PRUNE2: variants seen among roughly 807,000 people sequenced by gnomAD.
PRUNE2 encodes prune homolog 2 with BCH domain.
Under a neutral mutation model 252.0 loss-of-function variants are expected in PRUNE2, and 164 were observed. That is an observed-to-expected ratio of 0.65 (90% confidence interval 0.57 to 0.74). The LOEUF (loss-of-function observed/expected upper bound fraction) is 0.74, where lower values mean the gene tolerates loss of function less well. PRUNE2 is among the 30% of genes least tolerant of loss of function. The pLI, the probability that PRUNE2 is intolerant of heterozygous loss-of-function variation, is 0.00. For missense variants in PRUNE2, 3,495 were observed against 3,711.0 expected (o/e 0.94, Z 1.51); for synonymous variants, 1,292 against 1,350.2 (o/e 0.96, Z 0.94).
intron 9 of PRUNE2, among the ~76,000 whole-genome samples, chr9:76,683,392 A>T (rs1030274318): frequency 6.6e-6 from 1 of 152,208 alleles, no homozygotes; most frequent in South Asian, 2.1e-4. Flanking sequence ...AAAATGGGTA[A>T]ACATTGACTG....
chr9:76,721,077 G>A (rs1184181976), intron 6 of PRUNE2, among the ~76,000 whole-genome samples: 1 of 152,158 alleles, frequency 6.6e-6, no homozygotes, highest in Non-Finnish European at 1.5e-5. Context: ...ACTCCAGCCT[G>A]GGCAACAGAG....
chr9:76,657,174 A>G (rs1363029328), intron 9 of PRUNE2, among the ~76,000 whole-genome samples: 1 of 152,216 alleles, frequency 6.6e-6, no homozygotes, highest in Non-Finnish European at 1.5e-5. Context: ...GTTCTCCTTG[A>G]CATCAAACTT....
intron 6 of PRUNE2, among the ~76,000 whole-genome samples, chr9:76,725,705 T>G (rs1342511575): frequency 4.6e-5 from 7 of 152,226 alleles, no homozygotes; most frequent in African/African-American, 1.7e-4. Flanking sequence ...GGAGCACACA[T>G]GCAGAGCCAG....
intron 15 of PRUNE2, among the ~76,000 whole-genome samples, chr9:76,631,807 A>G (rs756073266): frequency 5.9e-5 from 9 of 152,086 alleles, no homozygotes; most frequent in Non-Finnish European, 1.0e-4. Flanking sequence ...TAGTTTTTTG[A>G]TCCTCACTGT....
At chr9:76,629,551 G>A (rs892080240) in intron 15 of PRUNE2, among the ~76,000 whole-genome samples, 8 of 150,348 alleles carry the variant, frequency 5.3e-5, no homozygotes, top group Admixed American at 2.0e-4. Flanking sequence ...ATATGTATAC[G>A]TTGTGGAATG....
chr9:76,731,574 C>G (rs1015849690), intron 6 of PRUNE2, among the ~76,000 whole-genome samples: 6 of 152,094 alleles, frequency 3.9e-5, no homozygotes, highest in Non-Finnish European at 8.8e-5. Flanking sequence ...GTGATCCCCC[C>G]ATCTTGGCCT....
chr9:76,678,567 C>T (rs938769353), intron 9 of PRUNE2, among the ~76,000 whole-genome samples: 4 of 152,158 alleles, frequency 2.6e-5, no homozygotes, highest in Non-Finnish European at 5.9e-5. Flanking sequence ...CGGCGGCACA[C>T]GCCTATAATC....
chr9:76,807,272 C>T (rs1273951089), intron 6 of PRUNE2, among the ~76,000 whole-genome samples: 1 of 151,892 alleles, frequency 6.6e-6, no homozygotes, highest in African/African-American at 2.4e-5. Context: ...AAGAATCTCC[C>T]TATGTTCCCA....
intron 9 of PRUNE2, among the ~76,000 whole-genome samples, chr9:76,695,890 T>C (rs946035796): frequency 4.0e-5 from 6 of 151,122 alleles, no homozygotes; most frequent in Non-Finnish European, 8.8e-5. Flanking sequence ...AATAAGTAAA[T>C]AGAAGATCTT....
chr9:76,702,623 G>T (rs1241430691), intron 9 of PRUNE2, among the ~76,000 whole-genome samples: 1 of 152,162 alleles, frequency 6.6e-6, no homozygotes, highest in African/African-American at 2.4e-5. Context: ...ATGAATGAAT[G>T]AATGAATCAC....
intron 6 of PRUNE2, among the ~76,000 whole-genome samples, chr9:76,809,747 G>A (rs1393492557): frequency 6.6e-6 from 1 of 152,092 alleles, no homozygotes; most frequent in Non-Finnish European, 1.5e-5. Context: ...ATCTATGAAT[G>A]TAACAAAATT....
chr9:76,623,347 T>A lies in PRUNE2; in HGVS notation c.9188+1105A>T, dbSNP rs568398536. On this transcript the variant is annotated intron_variant, in intron 17 of 18. Transcript: ENST00000376718. ...GTCTCGCTCTGTCCCCAGGCTGGAG[T>A]GCAGTGGCATGATCTCGGCTCACTG... Among the ~76,000 whole-genome samples, 130 of 150,912 alleles carry A rather than the reference T, an allele frequency of 8.6e-4. 1 individual carries two copies. The South Asian group carries it at 0.027, about 31-fold the overall frequency.
intron 4 of PRUNE2, among the ~76,000 whole-genome samples, chr9:76,844,020 G>A (rs1016080401): frequency 2.6e-5 from 4 of 152,124 alleles, no homozygotes; most frequent in South Asian, 2.1e-4. Context: ...GAGCCACCAC[G>A]CCCAGCCTAC....
intron 15 of PRUNE2, among the ~76,000 whole-genome samples, 171 bp downstream of exon 15, chr9:76,636,299 CT>C (rs1268994229): frequency 5.9e-5 from 9 of 152,162 alleles, no homozygotes; most frequent in African/African-American, 2.2e-4. Context: ...AGCATTTTCT[CT>C]CTTAATTCGG....
chr9:76,755,758 A>G (rs112428225), intron 6 of PRUNE2, among the ~76,000 whole-genome samples: 1,533 of 152,226 alleles, frequency 0.01, 27 homozygotes, highest in African/African-American at 0.035. Flanking sequence ...GCTGGAGTGC[A>G]GTGACGCAAT....
At chr9:76,824,777 T>A (rs1027774810) in intron 5 of PRUNE2, among the ~76,000 whole-genome samples, 45 of 152,196 alleles carry the variant, frequency 3.0e-4, no homozygotes, top group African/African-American at 8.7e-4. Flanking sequence ...CTACTTACAA[T>A]GCTCTGTCAA....
intron 6 of PRUNE2, among the ~76,000 whole-genome samples, chr9:76,798,728 C>G (rs558322047): frequency 3.9e-5 from 6 of 152,266 alleles, no homozygotes; most frequent in South Asian, 4.2e-4. Flanking sequence ...ACAAGCCTCC[C>G]CCATCTTCTC....
intron 6 of PRUNE2, among the ~76,000 whole-genome samples, chr9:76,791,981 A>G (rs781589684): frequency 2.0e-5 from 3 of 152,146 alleles, no homozygotes; most frequent in African/African-American, 4.8e-5. Context: ...TTGAGCATGC[A>G]GGGGCATGCT....
intron 6 of PRUNE2, among the ~76,000 whole-genome samples, chr9:76,792,154 G>A (rs536971259): frequency 2.6e-5 from 4 of 151,856 alleles, no homozygotes; most frequent in African/African-American, 9.7e-5. Flanking sequence ...TGTGTGGTGG[G>A]AGGGGCCTGG....
Sources: allele counts gnomAD v4.1 joint callset (sites outside exome capture counted in the v4.1 genomes callset), GRCh38; gene constraint gnomAD v4.1.1; transcripts MANE v1.5; gene names NCBI Gene and HGNC (gene_info 2026-07-23, HGNC 2026-07-21).